MED12L: variants seen among roughly 807,000 people sequenced by gnomAD.
MED12L encodes the protein mediator of RNA polymerase II transcription subunit 12-like protein.
MED12L carries 60 observed loss-of-function variants against 281.3 expected under a neutral mutation model. That is an observed-to-expected ratio of 0.21 (90% confidence interval 0.17 to 0.26). MED12L has a LOEUF of 0.26. Among genes scored for constraint, MED12L ranks in the 10% least tolerant of loss-of-function variants. The probability of loss-of-function intolerance (pLI) is 1.00; values close to 1 mark genes in which losing one functional copy is unlikely to be tolerated. For synonymous variants in MED12L, 974 were observed against 987.2 expected, an observed-to-expected ratio of 0.99 and a Z score of 0.25; for missense variants, 2,146 against 2,680.9, an observed-to-expected ratio of 0.80 and a Z score of 4.41.
rs753675894 is a variant in MED12L at position 151,388,203 on chromosome 3, T to C, written c.5451+31T>C. On this transcript the variant is annotated intron_variant, in intron 37 of 44. Transcript: ENST00000687756. ...TGGGGAAAGGAAGGAGAACCTTGGC[T>C]CATTAGCATTTAGTATGAGATTTAC... 6.4e-6 allele frequency: 10 copies of C among 1,558,500 alleles called. No individual in the cohort carries two copies. In the African/African-American group the frequency reaches 1.4e-4, roughly 21 times the overall value.
At chr3:151,286,134 C>T (rs1320613813) in intron 16 of MED12L, among the ~76,000 whole-genome samples, 2 of 152,106 alleles carry the variant, frequency 1.3e-5, no homozygotes, top group Non-Finnish European at 2.9e-5. Flanking sequence ...CCTGTGACCC[C>T]GCTGTTGTAG....
intron 16 of MED12L, chr3:151,199,467 T>G: frequency 8.2e-7 from 1 of 1,223,430 alleles, no homozygotes; most frequent in Admixed American, 2.3e-5. Flanking sequence ...AAAGGGAGGT[T>G]AGTAATTAAA....
At chr3:151,352,029 A>G (rs1458255033) in intron 17 of MED12L, among the ~76,000 whole-genome samples, 4 of 152,230 alleles carry the variant, frequency 2.6e-5, no homozygotes, top group East Asian at 1.9e-4. Context: ...GATTTTGGAT[A>G]GTTTCACATT....
chr3:151,359,543 T>C (rs1754354034), intron 20 of MED12L, among the ~76,000 whole-genome samples: 4 of 152,102 alleles, frequency 2.6e-5, no homozygotes, highest in Admixed American at 2.0e-4. Context: ...CCCTGAATAG[T>C]ACAGAGGAGT....
intron 23 of MED12L, among the ~76,000 whole-genome samples, chr3:151,367,230 C>T (rs1388620): frequency 2.0e-5 from 3 of 152,144 alleles, no homozygotes; most frequent in Non-Finnish European, 2.9e-5. Context: ...ACTCCAAAAC[C>T]TTAGTGAGGC....
chr3:151,352,163 G>A (rs12497330), intron 17 of MED12L, among the ~76,000 whole-genome samples: 51,230 of 151,832 alleles, frequency 0.34, 8,898 homozygotes, highest in South Asian at 0.39. Context: ...TTTTCTCTTG[G>A]GGATGCTTAA....
intron 16 of MED12L, among the ~76,000 whole-genome samples, chr3:151,292,508 C>G (rs1422176231): frequency 1.3e-5 from 2 of 149,378 alleles, no homozygotes; most frequent in Non-Finnish European, 3.0e-5. Context: ...AGGCTGGTCT[C>G]GAGCTCCTGA....
At chr3:151,193,748 G>C (rs1276953713) in intron 16 of MED12L, 82 bp downstream of exon 16, 3 of 1,239,010 alleles carry the variant, frequency 2.4e-6, no homozygotes, top group Non-Finnish European at 3.4e-6. Context: ...TTATTCAACT[G>C]TATTCTTGAC....
At chr3:151,310,110 G>A (rs1217157416) in intron 16 of MED12L, among the ~76,000 whole-genome samples, 1 of 152,154 alleles carries the variant, frequency 6.6e-6, no homozygotes, top group Non-Finnish European at 1.5e-5. Context: ...GTGGAGGGCT[G>A]CAAATTCAAA....
intron 16 of MED12L, among the ~76,000 whole-genome samples, chr3:151,242,262 G>T (rs556562293): frequency 2.6e-5 from 4 of 152,362 alleles, no homozygotes; most frequent in Middle Eastern, 3.4e-3. Flanking sequence ...CAAACTGGGC[G>T]GAGCCCACCA....
At chr3:151,166,966 A>G (rs1720804138) in intron 11 of MED12L, among the ~76,000 whole-genome samples, 2 of 151,952 alleles carry the variant, frequency 1.3e-5, no homozygotes, top group Non-Finnish European at 1.5e-5. Flanking sequence ...GAGCCACCGC[A>G]CCCGGCCGGG....
chr3:151,192,506 C>A, intron 14 of MED12L, 44 bp from the exon 15 acceptor site: 1 of 1,358,664 alleles, frequency 7.4e-7, no homozygotes, highest in Non-Finnish European at 1.0e-6. Context: ...TCTTGATGAA[C>A]TCCAAAACTT....
chr3:151,244,869 T>A (rs1272483114), intron 16 of MED12L, among the ~76,000 whole-genome samples: 7 of 152,000 alleles, frequency 4.6e-5, no homozygotes, highest in Admixed American at 4.6e-4. Flanking sequence ...GATAGACCGC[T>A]AGCAAGACTA....
intron 36 of MED12L, among the ~76,000 whole-genome samples, chr3:151,387,443 A>G (rs10513398): frequency 0.47 from 71,715 of 152,034 alleles, 17,029 homozygotes; most frequent in Middle Eastern, 0.57. Context: ...AATAGATTAC[A>G]GAGATTTAGA....
At chr3:151,165,689 G>A (rs765102866) in intron 10 of MED12L, among the ~76,000 whole-genome samples, 157 bp from the exon 11 acceptor site, 1 of 152,228 alleles carries the variant, frequency 6.6e-6, no homozygotes, top group Admixed American at 6.5e-5. Context: ...TGTCTAGAAT[G>A]TCAAGTTTGG....
intron 39 of MED12L, among the ~76,000 whole-genome samples, chr3:151,406,487 A>G (rs964781485): frequency 5.9e-5 from 9 of 152,206 alleles, no homozygotes; most frequent in African/African-American, 2.2e-4. Context: ...GGGAAGTGCT[A>G]GTCAAATAGG....
chr3:151,367,069 T>G (rs961327005), intron 23 of MED12L, among the ~76,000 whole-genome samples: 4 of 152,194 alleles, frequency 2.6e-5, no homozygotes, highest in Admixed American at 2.6e-4. Context: ...ACGTGAGATC[T>G]AGAAAGGTAA....
intron 26 of MED12L, among the ~76,000 whole-genome samples, chr3:151,372,317 G>A (rs1430681677): frequency 6.6e-6 from 1 of 152,142 alleles, no homozygotes; most frequent in Non-Finnish European, 1.5e-5. Flanking sequence ...CAAGTTTGGT[G>A]AAACTATAAT....
intron 16 of MED12L, among the ~76,000 whole-genome samples, chr3:151,235,095 TTGTAGA>T (rs1732467112): frequency 1.3e-5 from 2 of 152,210 alleles, no homozygotes; most frequent in Non-Finnish European, 2.9e-5. Context: ...CCAATATTCC[TTGTAGA>T]TGTAGATTAT....
Sources: allele counts gnomAD v4.1 joint callset (sites outside exome capture counted in the v4.1 genomes callset), GRCh38; gene constraint gnomAD v4.1.1; transcripts MANE v1.5; gene names NCBI Gene and HGNC (gene_info 2026-07-23, HGNC 2026-07-21).